TRPM6: variants seen among roughly 807,000 people sequenced by gnomAD.
TRPM6 encodes the protein transient receptor potential cation channel subfamily M member 6, also known as channel kinase 2.
A neutral mutation model predicts 247.6 loss-of-function variants in TRPM6; 111 were observed. That is an observed-to-expected ratio of 0.45 (90% CI 0.38 to 0.52). The LOEUF is 0.52. Among genes scored for constraint, TRPM6 ranks in the 20% least tolerant of loss-of-function variants. The pLI, the probability that TRPM6 is intolerant of heterozygous loss-of-function variation, is 0.00. For missense variants in TRPM6, 2,126 were observed against 2,421.5 expected, an observed-to-expected ratio of 0.88 and a Z score of 2.56; for synonymous variants, 892 against 853.8, an observed-to-expected ratio of 1.04 and a Z score of -0.78.
At chr9:74,724,944 T>C (rs1825266639) in intron 38 of TRPM6, among the ~76,000 whole-genome samples, 198 bp from the exon 39 acceptor site, 1 of 152,162 alleles carries the variant, frequency 6.6e-6, no homozygotes. Flanking sequence ...TCCTTCCCTA[T>C]GCTGTTTGGG....
chr9:74,807,918 A>G (rs1828587394), intron 14 of TRPM6, 116 bp downstream of exon 14: 2 of 1,180,814 alleles, frequency 1.7e-6, no homozygotes, highest in African/African-American at 3.0e-5. Context: ...ACAAATGTCC[A>G]TAAATAAAAT....
chr9:74,751,962 C>G (rs1043916349), intron 29 of TRPM6, among the ~76,000 whole-genome samples: 7 of 152,228 alleles, frequency 4.6e-5, no homozygotes, highest in Non-Finnish European at 8.8e-5. Flanking sequence ...TTTTCTTCCA[C>G]ATGACAACTT....
intron 38 of TRPM6, among the ~76,000 whole-genome samples, chr9:74,727,858 G>A (rs1269166500): frequency 6.6e-6 from 1 of 152,096 alleles, no homozygotes; most frequent in Admixed American, 6.6e-5. Context: ...GGCGAAATTA[G>A]AATAGAATAG....
Position 74,834,396 on chromosome 9 carries a change from C to T in TRPM6, c.545-274G>A, listed in dbSNP as rs7847460. 0.019 allele frequency among the ~76,000 whole-genome samples: 2,953 copies of T among 152,138 alleles called. 92 individuals carry two copies. The highest frequency in any genetic ancestry group is 0.066 in the African/African-American group (2,753 of 41,456). The stretch of plus-strand genomic sequence containing the variant: ...AACTTCAGATCCGATCCTACTCTTG[C>T]CTAAGCAAAATGCTGTGCACTGTCC... On this transcript the variant is annotated intron_variant, in intron 5 of 38. Coordinates refer to ENST00000360774, the MANE Select transcript of TRPM6 (RefSeq NM_017662.5).
rs1324087225 is a variant in TRPM6 at position 74,786,052 on chromosome 9, T to C, written c.2741A>G (p.Glu914Gly). ...TGAAAACAGGCCAATGGCCACAGTT[T>C]CTGTTAAGTTCCAGTACTCACTAAT... ...VWISEYWNLT[E>G]TVAIGLFSAG... The change falls in exon 21 of 39, where the codon GAA becomes GGA. Residue 914 changes from glutamate (E) to glycine (G), a missense_variant. By Grantham distance (98) the Glu-to-Gly change is moderately conservative (BLOSUM62 -2). Around this residue, in one of 3 missense-constraint regions of TRPM6, gnomAD observed 1,082 missense variants for 1,307.9 expected, o/e 0.83. Transcript: ENST00000360774. The C allele has an allele frequency of 6.2e-7, 1 of 1,614,100 alleles. No individual in the cohort carries two copies. The highest frequency in any genetic ancestry group is 8.5e-7 in the Non-Finnish European group (1 of 1,180,052).
At chr9:74,846,197 A>G (rs1830102210) in intron 3 of TRPM6, among the ~76,000 whole-genome samples, 1 of 152,234 alleles carries the variant, frequency 6.6e-6, no homozygotes. Flanking sequence ...CTGCCTAGAT[A>G]TTAAATTTCT....
intron 21 of TRPM6, among the ~76,000 whole-genome samples, chr9:74,783,560 T>C (rs1384409454): frequency 6.6e-6 from 1 of 152,192 alleles, no homozygotes; most frequent in Non-Finnish European, 1.5e-5. Context: ...AATGTTCACA[T>C]AGCTATGTCA....
intron 1 of TRPM6, among the ~76,000 whole-genome samples, chr9:74,864,813 C>G (rs1830792832): frequency 1.3e-5 from 2 of 152,138 alleles, no homozygotes; most frequent in African/African-American, 4.8e-5. Context: ...TGGCTCATGC[C>G]TGAATCCCTG....
At chr9:74,801,762 C>CT in intron 16 of TRPM6, 136 bp downstream of exon 16, 1 of 1,108,126 alleles carries the variant, frequency 9.0e-7, no homozygotes, top group Non-Finnish European at 1.3e-6. Flanking sequence ...CCTGAAGACC[C>CT]TTTTAACAGG....
intron 3 of TRPM6, among the ~76,000 whole-genome samples, chr9:74,848,518 A>G (rs1830180737): frequency 6.6e-6 from 1 of 152,160 alleles, no homozygotes; most frequent in Admixed American, 6.5e-5. Context: ...GGGATTTTCT[A>G]TTTAATCTTT....
chr9:74,751,836 T>G (rs974581775), intron 29 of TRPM6, among the ~76,000 whole-genome samples: 1 of 152,202 alleles, frequency 6.6e-6, no homozygotes, highest in Non-Finnish European at 1.5e-5. Context: ...ATTCCATGCT[T>G]GGAAAGCTCC....
chr9:74,812,826 G>A (rs999632605), intron 11 of TRPM6, among the ~76,000 whole-genome samples: 1 of 151,878 alleles, frequency 6.6e-6, no homozygotes, highest in Non-Finnish European at 1.5e-5. Flanking sequence ...AGGGGTCAAG[G>A]CTGCAGTAAG....
chr9:74,784,290 GA>G (rs1252307151), intron 21 of TRPM6, among the ~76,000 whole-genome samples: 1 of 150,334 alleles, frequency 6.7e-6, no homozygotes, highest in Non-Finnish European at 1.5e-5. Context: ...GAAAGAAAAA[GA>G]AAAAAAGAAA....
intron 5 of TRPM6, among the ~76,000 whole-genome samples, chr9:74,839,094 G>A (rs1459377816): frequency 7.0e-6 from 1 of 142,050 alleles, no homozygotes; most frequent in East Asian, 2.1e-4. Context: ...TGGGTGACAA[G>A]AGCGAGACTT....
chr9:74,726,814 A>C (rs1366209290), intron 38 of TRPM6, among the ~76,000 whole-genome samples: 3 of 152,178 alleles, frequency 2.0e-5, no homozygotes, highest in Admixed American at 1.3e-4. Context: ...CCTGCCTTCC[A>C]GAGGGCCCTT....
chr9:74,781,365 G>A (rs1286279374), intron 23 of TRPM6, among the ~76,000 whole-genome samples: 4 of 151,536 alleles, frequency 2.6e-5, no homozygotes, highest in Non-Finnish European at 4.4e-5. Flanking sequence ...GTGAAACCCC[G>A]TCTCTACTAA....
intron 31 of TRPM6, among the ~76,000 whole-genome samples, chr9:74,746,665 A>G (rs796107945): frequency 7.9e-5 from 12 of 152,352 alleles, no homozygotes; most frequent in African/African-American, 2.9e-4. Flanking sequence ...ATTCATAAAG[A>G]TAATTCTGAT....
At chr9:74,819,328 G>A (rs1829065875) in intron 9 of TRPM6, among the ~76,000 whole-genome samples, 1 of 151,092 alleles carries the variant, frequency 6.6e-6, no homozygotes, top group Non-Finnish European at 1.5e-5. Context: ...AAAAAGAATT[G>A]ATAATTCATA....
At chr9:74,812,644 C>A (rs1256782118) in intron 11 of TRPM6, among the ~76,000 whole-genome samples, 1 of 151,672 alleles carries the variant, frequency 6.6e-6, no homozygotes, top group African/African-American at 2.4e-5. Context: ...AATCCTAGCA[C>A]CCTTGGAGGC....
Sources: allele counts gnomAD v4.1 joint callset (sites outside exome capture counted in the v4.1 genomes callset), GRCh38; gene constraint gnomAD v4.1.1; regional missense constraint gnomAD v4.1.1; transcripts MANE v1.5; gene names NCBI Gene and HGNC (gene_info 2026-07-23, HGNC 2026-07-21).